The following DHRS12 variants were observed in gnomAD, a reference collection of about 807,000 sequenced individuals.
DHRS12 encodes dehydrogenase/reductase SDR family member 12.
In DHRS12, 29 loss-of-function variants were observed where a neutral mutation model predicts 32.1. That is an observed-to-expected ratio of 0.90 (90% CI 0.67 to 1.23). The LOEUF is 1.23. DHRS12 is among the 50% of genes most tolerant of loss of function. The probability of loss-of-function intolerance (pLI) is 0.00; values close to 1 mark genes in which losing one functional copy is unlikely to be tolerated. For missense variants in DHRS12, 330 were observed against 337.2 expected (o/e 0.98, Z 0.17); for synonymous variants, 150 against 135.9 (o/e 1.10, Z -0.72).
chr13:51,799,558 T>G lies in DHRS12; in HGVS notation c.102A>C (p.Gln34His). 1 of 1,613,942 alleles carries G rather than the reference T, an allele frequency of 6.2e-7. No homozygotes were observed. The highest frequency in any genetic ancestry group is 8.5e-7 in the Non-Finnish European group (1 of 1,179,962). ...CCTCGCTTGGCGATTTCAAGGGCAGTTGCTTTGCCAATGCCGCTGTTTCCT... is the reference window on the plus strand; with the variant it reads ...CCTCGCTTGGCGATTTCAAGGGCAGGTGCTTTGCCAATGCCGCTGTTTCCT... ...SLEETAALAKQLPLKSPSENI... is the reference protein window; with the variant it reads ...SLEETAALAKHLPLKSPSENI... The change falls in exon 2 of 9, where the codon CAA becomes CAC. Residue 34 changes from glutamine to histidine, a missense_variant. By Grantham distance (24) the Gln-to-His change is conservative. Coordinates refer to ENST00000444610, the MANE Select transcript of DHRS12 (RefSeq NM_001377533.1).
the DHRS12 span, chr13:51,759,812 C>G: frequency 1.2e-6 from 2 of 1,604,526 alleles, no homozygotes; most frequent in Non-Finnish European, 1.7e-6. Context: ...ACTAAAGAAA[C>G]GGTTGTTTTA....
downstream of DHRS12, chr13:51,766,681 C>G (rs1169711819): frequency 6.6e-6 from 1 of 152,278 alleles, no homozygotes; most frequent in Non-Finnish European, 1.5e-5. Context: ...TTACTCCGCT[C>G]ACTTTCCCAC....
At chr13:51,756,610 G>T in the DHRS12 span, 2 of 1,375,348 alleles carry the variant, frequency 1.5e-6, no homozygotes, top group Non-Finnish European at 9.4e-7. Flanking sequence ...GCTCTCCTTT[G>T]CCACCAAGAG....
intron 1 of DHRS12, among the ~76,000 whole-genome samples, chr13:51,801,421 C>T (rs1955749349): frequency 6.6e-6 from 1 of 152,178 alleles, no homozygotes; most frequent in South Asian, 2.1e-4. Context: ...CACCTGACCT[C>T]AGGTGATCCA....
the DHRS12 span, chr13:51,756,609 T>G: frequency 7.3e-7 from 1 of 1,377,142 alleles, no homozygotes; most frequent in Non-Finnish European, 9.4e-7. Flanking sequence ...AGCTCTCCTT[T>G]GCCACCAAGA....
chr13:51,767,875 G>GCC, downstream of DHRS12: 2 of 552,106 alleles, frequency 3.6e-6, no homozygotes, highest in Non-Finnish European at 4.9e-6. Context: ...CATTCCTGCT[G>GCC]CCCCCACCCC....
At chr13:51,784,727 AG>A (rs978880259) in intron 4 of DHRS12, among the ~76,000 whole-genome samples, 1 of 152,248 alleles carries the variant, frequency 6.6e-6, no homozygotes, top group Non-Finnish European at 1.5e-5. Context: ...GCCCTGTCTA[AG>A]GAAGCATTCT....
At chr13:51,799,710 G>C (rs377281903) in intron 1 of DHRS12, 43 bp from the exon 2 acceptor site, 54 of 1,605,038 alleles carry the variant, frequency 3.4e-5, no homozygotes, top group Non-Finnish European at 4.2e-6. Context: ...GTAAGGAGTG[G>C]GGAACACAAA....
intron 4 of DHRS12, among the ~76,000 whole-genome samples, chr13:51,778,050 C>A (rs1180081048): frequency 1.3e-5 from 2 of 152,220 alleles, no homozygotes; most frequent in Non-Finnish European, 2.9e-5. Flanking sequence ...CACCGCCCGC[C>A]ATGTGGCCTG....
chr13:51,769,544 C>G (rs902807678), intron 7 of DHRS12, among the ~76,000 whole-genome samples: 2 of 152,092 alleles, frequency 1.3e-5, no homozygotes, highest in Non-Finnish European at 2.9e-5. Flanking sequence ...CCCCGGGGCA[C>G]CAGCACCCAG....
intron 4 of DHRS12, among the ~76,000 whole-genome samples, chr13:51,788,335 T>C (rs974052281): frequency 3.9e-5 from 6 of 152,140 alleles, no homozygotes; most frequent in African/African-American, 1.4e-4. Flanking sequence ...ATAACATATT[T>C]GGAACAAAGT....
rs566434240 is a variant in DHRS12, at chr13:51,791,380, T to C, written c.127-123A>G. 66 of 521,332 alleles carry C rather than the reference T, an allele frequency of 1.3e-4. No homozygotes were observed. The East Asian group carries it at 2.2e-3, about 17-fold the overall frequency. 32.3% of individuals were successfully genotyped at this position (521,332 alleles called of 1,614,324 possible). A position where few individuals can be genotyped will look rare whatever the true frequency, so the allele number is the denominator to read the frequency against. ...CTTTGAAATGATATAAAACGGAAAA[T>C]ACCAGTCCCACTCCTCAAAAATAAA... On this transcript the variant is annotated intron_variant, in intron 2 of 8. Transcript: ENST00000444610.
At chr13:51,773,395 T>C (rs1051725805) in intron 6 of DHRS12, among the ~76,000 whole-genome samples, 1 of 152,190 alleles carries the variant, frequency 6.6e-6, no homozygotes, top group African/African-American at 2.4e-5. Context: ...GATTTCCCAC[T>C]TGTGACATCG....
chr13:51,779,556 T>C (rs1045559766), intron 4 of DHRS12, among the ~76,000 whole-genome samples: 10 of 152,106 alleles, frequency 6.6e-5, no homozygotes, highest in Non-Finnish European at 1.2e-4. Flanking sequence ...GGCAGCCATA[T>C]GTGACCCAGA....
intron 7 of DHRS12, 188 bp downstream of exon 7, chr13:51,771,633 G>T (rs1954021673): frequency 6.9e-7 from 1 of 1,443,234 alleles, no homozygotes; most frequent in Non-Finnish European, 9.4e-7. Flanking sequence ...GGAAGCAAAA[G>T]CTCTGTGTCT....
chr13:51,762,118 T>C, the DHRS12 span: 1 of 152,230 alleles, frequency 6.6e-6, no homozygotes, highest in Non-Finnish European at 1.5e-5. Flanking sequence ...AAATGAGTAA[T>C]AGAGCTGAAT....
At chr13:51,771,634 CTCTGTG>C (rs1954021822) in intron 7 of DHRS12, 181 bp downstream of exon 7, 1 of 1,445,376 alleles carries the variant, frequency 6.9e-7, no homozygotes, top group Non-Finnish European at 9.4e-7. Flanking sequence ...GAAGCAAAAG[CTCTGTG>C]TCTGTATGAG....
At chr13:51,768,428 CCTG>C in intron 8 of DHRS12, 132 bp from the exon 9 acceptor site, 1 of 1,465,486 alleles carries the variant, frequency 6.8e-7, no homozygotes, top group South Asian at 1.4e-5. Flanking sequence ...GACCCCCATC[CCTG>C]CTGTCAAAGG....
At chr13:51,772,580 G>A (rs1364189515) in intron 6 of DHRS12, 1 of 966,794 alleles carries the variant, frequency 1.0e-6, no homozygotes, top group Non-Finnish European at 1.2e-6. Flanking sequence ...CAAGGAGATG[G>A]AGGTTGCAGT....
Sources: allele counts gnomAD v4.1 joint callset (sites outside exome capture counted in the v4.1 genomes callset), GRCh38; gene constraint gnomAD v4.1.1; transcripts MANE v1.5; gene names NCBI Gene and HGNC (gene_info 2026-07-23, HGNC 2026-07-21).